SLC2A10: variants seen among roughly 807,000 people sequenced by gnomAD.
SLC2A10 encodes the protein solute carrier family 2 member 10.
SLC2A10 carries 25 observed loss-of-function variants against 32.1 expected under a neutral mutation model. The ratio of observed to expected loss-of-function variants is 0.78; its 90% confidence interval spans 0.57 to 1.09. The LOEUF (loss-of-function observed/expected upper bound fraction) is 1.09. Ranked by LOEUF, SLC2A10 falls within the 50% of genes least tolerant of loss-of-function variation. The pLI, the probability that SLC2A10 is intolerant of heterozygous loss-of-function variation, is 0.00. For synonymous variants in SLC2A10, 332 were observed against 309.6 expected (o/e 1.07, Z -0.76); for missense variants, 673 against 686.5 (o/e 0.98, Z 0.22).
intron 1 of SLC2A10, among the ~76,000 whole-genome samples, chr20:46,720,259 A>T (rs759137289): frequency 6.6e-6 from 1 of 152,236 alleles, no homozygotes; most frequent in Non-Finnish European, 1.5e-5. Flanking sequence ...CAGCTCTCGG[A>T]TCACTGGATT....
At chr20:46,708,956 C>T (rs1978742875), upstream of SLC2A10, among the ~76,000 whole-genome samples, 1 of 152,238 alleles carries the variant, frequency 6.6e-6, no homozygotes. Context: ...GCTAAAGCAG[C>T]CACCTGTGTC....
intron 3 of SLC2A10, among the ~76,000 whole-genome samples, chr20:46,727,287 AG>A (rs947094428): frequency 7.8e-4 from 119 of 152,268 alleles, no homozygotes; most frequent in African/African-American, 2.7e-3. Flanking sequence ...GACACCTGCC[AG>A]GTGGAAGTTT....
In SLC2A10 at chr20:46,709,682, G is replaced by T. The variant is rs933340480; in HGVS notation, c.-55G>T. 1.3e-4 allele frequency: 201 copies of T among 1,534,426 alleles called. 1 individual carries two copies. In the East Asian group the frequency reaches 5.0e-3, roughly 38 times the overall value. On this transcript the variant is annotated 5_prime_UTR_variant, in exon 1 of 5. Transcript: ENST00000359271. The stretch of plus-strand genomic sequence containing the variant: ...GCAGCGGCGTTGGGGACTCCGGCGG[G>T]GGATGCGCGCCCGGCCCCTCAGCGC...
rs878855129 is a variant in SLC2A10, at chr20:46,725,288, G to C, written c.252G>C (p.Val84=). Residue 84 remains valine (V), a synonymous_variant, in exon 2 of 5, where the codon GTG becomes GTC. Transcript: ENST00000359271. The part of the protein sequence containing the change: ...RKQAILGSNL[V]LLAGSLTLGL... Reference sequence around the variant, plus strand: ...AAGCCATCCTCGGGAGCAACTTGGTGCTGCTGGCAGGCAGCCTGACCCTGG... The same window carrying C: ...AAGCCATCCTCGGGAGCAACTTGGTCCTGCTGGCAGGCAGCCTGACCCTGG... 6 of 1,614,182 alleles carry C rather than the reference G, an allele frequency of 3.7e-6. No homozygotes were observed. The highest frequency in any genetic ancestry group is 5.1e-6 in the Non-Finnish European group (6 of 1,180,044).
Position 46,735,174 on chromosome 20 carries a change from G to A in SLC2A10, c.*1340G>A, listed in dbSNP as rs78189695. ...CTGACAAGAAGCTCCCAGATGCTGG[G>A]GAGAATGAAGAGCTAAAATAGATCC... On this transcript the variant is annotated 3_prime_UTR_variant, in exon 5 of 5. Transcript: ENST00000359271. 1,686 of 152,756 alleles carry A rather than the reference G, an allele frequency of 0.011. 13 individuals carry two copies. Among genetic ancestry groups the A allele is most frequent in the Non-Finnish European group, 0.016 (1,119 of 68,064 alleles). The allele number at this position is 152,756 out of a possible 1,614,324, so 9.5% of individuals were successfully genotyped here.
chr20:46,732,780 C>T (rs1304815613), intron 4 of SLC2A10, among the ~76,000 whole-genome samples: 6 of 151,558 alleles, frequency 4.0e-5, no homozygotes. Flanking sequence ...AGGAAGGCTG[C>T]TCTGAGCTGA....
chr20:46,725,051 A>C lies in SLC2A10; in HGVS notation c.15A>C (p.Pro5=). 1 of 1,614,206 alleles carries C rather than the reference A, an allele frequency of 6.2e-7. No individual in the cohort carries two copies. Among genetic ancestry groups the C allele is most frequent in the Non-Finnish European group, 8.5e-7 (1 of 1,180,030 alleles). MGHS[P]PVLPLCASVS... Reference sequence around the variant, plus strand: ...ACTTTTGTTTTTTAGGCCACTCCCCACCTGTCCTGCCTTTGTGTGCCTCTG... The same window carrying C: ...ACTTTTGTTTTTTAGGCCACTCCCCCCCTGTCCTGCCTTTGTGTGCCTCTG... Residue 5 remains proline, a synonymous_variant, in exon 2 of 5, where the codon CCA becomes CCC. Transcript: ENST00000359271.
chr20:46,728,350 T>C (rs1183939914), intron 3 of SLC2A10, among the ~76,000 whole-genome samples: 1 of 152,146 alleles, frequency 6.6e-6, no homozygotes, highest in East Asian at 1.9e-4. Flanking sequence ...ATAATTTGTC[T>C]TCCACCTTGA....
chr20:46,717,448 C>A (rs1600659938), intron 1 of SLC2A10, among the ~76,000 whole-genome samples: 2 of 152,258 alleles, frequency 1.3e-5, no homozygotes, highest in South Asian at 2.1e-4. Context: ...TGCAGTGGTG[C>A]AATCTCGGTT....
At chr20:46,708,355 G>T (rs1461706963), upstream of SLC2A10, among the ~76,000 whole-genome samples, 3 of 152,206 alleles carry the variant, frequency 2.0e-5, no homozygotes, top group African/African-American at 7.2e-5. Context: ...CCATGTGAGT[G>T]CTGGGCTTGT....
At position 46,734,091 on chromosome 20, in the gene SLC2A10, G is replaced by T; in HGVS notation, c.*257G>T. 3 of 558,260 alleles carry T rather than the reference G, an allele frequency of 5.4e-6. No individual in the cohort carries two copies. The highest frequency in any genetic ancestry group is 4.0e-5 in the South Asian group (2 of 49,822). The allele number at this position is 558,260 out of a possible 1,614,324, so 34.6% of individuals were successfully genotyped here. A position where few individuals can be genotyped will look rare whatever the true frequency, so the allele number is the denominator to read the frequency against. On this transcript the variant is annotated 3_prime_UTR_variant, in exon 5 of 5. Coordinates refer to ENST00000359271, the MANE Select transcript of SLC2A10 (RefSeq NM_030777.4). ...TTTCCCCATTGACTTGCACATCTCT[G>T]CAGTATTTATAAGAAGAATATTCTA...
chr20:46,729,624 A>AGTTTTTTTTTT (rs1980172503), intron 4 of SLC2A10, 136 bp downstream of exon 4: 2 of 372,342 alleles, frequency 5.4e-6, no homozygotes, highest in African/African-American at 7.4e-5. Flanking sequence ...GGGCACTATG[A>AGTTTTTTTTTT]GTTTTTTTTT....
chr20:46,710,154 T>C (rs1277205192), intron 1 of SLC2A10: 1 of 427,532 alleles, frequency 2.3e-6, no homozygotes, highest in Non-Finnish European at 4.1e-6. Flanking sequence ...CTGGGGACGC[T>C]GTCGCGAACG....
intron 1 of SLC2A10, among the ~76,000 whole-genome samples, chr20:46,719,224 G>A (rs1294025467): frequency 6.6e-6 from 1 of 152,086 alleles, no homozygotes; most frequent in African/African-American, 2.4e-5. Context: ...GAACCAACAG[G>A]CTTAGTTTTG....
At chr20:46,712,647 C>CT in intron 1 of SLC2A10, among the ~76,000 whole-genome samples, 1 of 123,288 alleles carries the variant, frequency 8.1e-6, no homozygotes, top group Middle Eastern at 4.4e-3. Context: ...TGTCTTCTTT[C>CT]TTTCTTTTTT....
intron 1 of SLC2A10, among the ~76,000 whole-genome samples, chr20:46,724,627 TTGGA>T (rs112083429): frequency 0.29 from 39,051 of 134,642 alleles, 5,444 homozygotes; most frequent in African/African-American, 0.4. Flanking sequence ...TGGATGGTGG[TTGGA>T]TGGATGGATG....
At chr20:46,726,799 G>A (rs1205506179) in intron 2 of SLC2A10, 65 bp from the exon 3 acceptor site, 1 of 1,609,764 alleles carries the variant, frequency 6.2e-7, no homozygotes. Context: ...CTGCATGTTT[G>A]ACCTGATGGT....
Position 46,726,043 on chromosome 20 carries a change from C to T in SLC2A10, c.1007C>T (p.Thr336Ile). Reference sequence around the variant, plus strand: ...AGCTGTCTGGCTGTGCCCAATGCCACCGGGCAGACAGGCCTCCCTGGAGAC... The same window carrying T: ...AGCTGTCTGGCTGTGCCCAATGCCATCGGGCAGACAGGCCTCCCTGGAGAC... ...GPSCLAVPNA[T>I]GQTGLPGDSG... Residue 336 changes from threonine to isoleucine, a missense_variant, in exon 2 of 5, where the codon ACC becomes ATC. Transcript: ENST00000359271. 2 of 1,614,158 alleles carry T rather than the reference C, an allele frequency of 1.2e-6. No individual in the cohort carries two copies. The highest frequency in any genetic ancestry group is 1.3e-5 in the African/African-American group (1 of 75,072).
rs1014009929 is a variant in SLC2A10 at position 46,725,177 on chromosome 20, G to A, written c.141G>A (p.Gln47=). The A allele has an allele frequency of 1.2e-6, 2 of 1,614,204 alleles. No homozygotes were observed. The highest frequency in any genetic ancestry group is 1.7e-6 in the Non-Finnish European group (2 of 1,180,034). Residue 47 remains glutamine (Q), a synonymous_variant, in exon 2 of 5, where the codon CAG becomes CAA. Coordinates refer to ENST00000359271, the MANE Select transcript of SLC2A10 (RefSeq NM_030777.4). The stretch of plus-strand genomic sequence containing the variant: ...ACTTTGGGCTAAGCTGCTTGGAGCA[G>A]GAGTTCCTGGTGGGCAGCCTGCTCC... The part of the protein sequence containing the change: ...QLDFGLSCLE[Q]EFLVGSLLLG...
Sources: allele counts gnomAD v4.1 joint callset (sites outside exome capture counted in the v4.1 genomes callset), GRCh38; gene constraint gnomAD v4.1.1; transcripts MANE v1.5; gene names NCBI Gene and HGNC (gene_info 2026-07-23, HGNC 2026-07-21).